DSG1: variants seen among roughly 807,000 people sequenced by gnomAD.
DSG1 encodes the protein desmoglein-1.
Under a neutral mutation model 97.5 loss-of-function variants are expected in DSG1, and 39 were observed. The observed-to-expected ratio is 0.40, with a 90% CI of 0.31 to 0.52. The LOEUF is 0.52. Among genes scored for constraint, DSG1 ranks in the 20% least tolerant of loss-of-function variants. The pLI is 0.53. For missense variants in DSG1, 1,311 were observed against 1,295.4 expected (o/e 1.01, Z -0.18); for synonymous variants, 475 against 443.4 (o/e 1.07, Z -0.90).
chr18:31,334,241 C>T (rs2071738459), intron 8 of DSG1, 39 bp downstream of exon 8: 3 of 1,402,056 alleles, frequency 2.1e-6, no homozygotes, highest in Non-Finnish European at 2.0e-6. Context: ...TTTTCTTAAT[C>T]TTTTTTCAAA....
At chr18:31,319,157 C>G (rs2071638396) in intron 1 of DSG1, among the ~76,000 whole-genome samples, 4 of 152,148 alleles carry the variant, frequency 2.6e-5, no homozygotes, top group Admixed American at 2.6e-4. Flanking sequence ...AGAGATAATA[C>G]TAAGTGCACC....
chr18:31,333,849 T>C, intron 7 of DSG1, 126 bp downstream of exon 7: 2 of 1,235,632 alleles, frequency 1.6e-6, no homozygotes, highest in Non-Finnish European at 1.2e-6. Context: ...GACACATACT[T>C]TTTTCTTGTG....
chr18:31,339,690 C>A (rs2071775961), intron 10 of DSG1, 54 bp from the exon 11 acceptor site: 3 of 1,378,606 alleles, frequency 2.2e-6, no homozygotes, highest in East Asian at 4.6e-5. Context: ...TGTTGTCCAA[C>A]CATTCCTACA....
rs761784327 is a variant in DSG1 at position 31,343,455 on chromosome 18, C to A, written c.1693C>A (p.Pro565Thr). ...TACTATCCCTCCACCACCAGTGGTCCCATTTTTGATGATCTGTTGTGATTG... is the reference window on the plus strand; with the variant it reads ...TACTATCCCTCCACCACCAGTGGTCACATTTTTGATGATCTGTTGTGATTG... ...IMGFLVLGLV[P>T]FLMICCDCGG... The change falls in exon 12 of 15, where the codon CCA (proline) becomes ACA (threonine). Residue 565 changes from proline to threonine, a missense_variant. By Grantham distance (38) the Pro-to-Thr change is conservative (BLOSUM62 -1). Around this residue, in one of 3 missense-constraint regions of DSG1, gnomAD observed 1,038 missense variants for 964.6 expected, o/e 1.08. Transcript: ENST00000257192. 1.2e-6 allele frequency: 2 copies of A among 1,614,132 alleles called. No homozygotes were observed. The highest frequency in any genetic ancestry group is 2.2e-5 in the South Asian group (2 of 91,086).
chr18:31,331,378 T>C (rs1287239611), intron 5 of DSG1, among the ~76,000 whole-genome samples: 1 of 152,100 alleles, frequency 6.6e-6, no homozygotes, highest in Non-Finnish European at 1.5e-5. Context: ...TGGTCTGGCC[T>C]TATTATCATT....
At chr18:31,324,484 C>T (rs1325242892) in intron 1 of DSG1, among the ~76,000 whole-genome samples, 1 of 152,088 alleles carries the variant, frequency 6.6e-6, no homozygotes, top group Non-Finnish European at 1.5e-5. Flanking sequence ...TGAACTTTTG[C>T]TCAAGTTTTG....
intron 7 of DSG1, 38 bp downstream of exon 7, chr18:31,333,761 G>C: frequency 1.2e-6 from 2 of 1,607,154 alleles, no homozygotes; most frequent in African/African-American, 1.3e-5. Context: ...ATCTAAATTC[G>C]CTATATTCTA....
Position 31,336,921 on chromosome 18 carries a change from C to T in DSG1, c.1265+308C>T, listed in dbSNP as rs1269000381. Among the ~76,000 whole-genome samples the T allele has an allele frequency of 7.2e-5, 11 of 152,262 alleles. No homozygotes were observed. In the East Asian group the frequency reaches 1.4e-3, roughly 19 times the overall value. On this transcript the variant is annotated intron_variant, in intron 9 of 14. Coordinates refer to ENST00000257192, the MANE Select transcript of DSG1 (RefSeq NM_001942.4). ...TAGCTGATTACCACAGGCCGTGATT[C>T]GTCTCTCAGAAGAGTTTAAGGAATG... is the stretch of plus-strand genomic sequence containing the variant.
At chr18:31,335,549 A>G (rs1165231201) in intron 8 of DSG1, among the ~76,000 whole-genome samples, 1 of 122,880 alleles carries the variant, frequency 8.1e-6, no homozygotes, top group Non-Finnish European at 1.9e-5. Context: ...TAATGTATAT[A>G]TACTTTTGAT....
chr18:31,318,248 GAGA>G lies in DSG1; in HGVS notation c.-48_-46del. 6.7e-7 allele frequency: 1 copy of G among 1,487,464 alleles called. No individual in the cohort carries two copies. The highest frequency in any genetic ancestry group is 9.4e-7 in the Non-Finnish European group (1 of 1,064,494). 92.1% of individuals were successfully genotyped at this position (1,487,464 alleles called of 1,614,324 possible). A position where few individuals can be genotyped will look rare whatever the true frequency, so the allele number is the denominator to read the frequency against. On this transcript the variant is annotated 5_prime_UTR_variant, in exon 1 of 15. Coordinates refer to ENST00000257192, the MANE Select transcript of DSG1 (RefSeq NM_001942.4). ...CTGAGTGGGAGAAAGAAAAAGAACA[GAGA>G]AGAACAAACAAAACTCCCTTGGTCT...
intron 8 of DSG1, 122 bp downstream of exon 8, chr18:31,334,324 T>C (rs566467661): frequency 5.0e-4 from 321 of 642,812 alleles, no homozygotes; most frequent in African/African-American, 4.8e-3. Context: ...AATTACTGTG[T>C]TTTAAATATA....
intron 1 of DSG1, among the ~76,000 whole-genome samples, chr18:31,322,644 A>G (rs2071661339): frequency 6.6e-6 from 1 of 152,222 alleles, no homozygotes; most frequent in African/African-American, 2.4e-5. Context: ...AAATAAAGCA[A>G]ATTGTGATAT....
chr18:31,344,184 T>C (rs1283867438), intron 13 of DSG1, among the ~76,000 whole-genome samples, 189 bp downstream of exon 13: 1 of 152,226 alleles, frequency 6.6e-6, no homozygotes, highest in African/African-American at 2.4e-5. Context: ...ATATGCTTCA[T>C]TTTAAAAATT....
At chr18:31,340,715 T>A (rs543882001) in intron 11 of DSG1, among the ~76,000 whole-genome samples, 1 of 152,136 alleles carries the variant, frequency 6.6e-6, no homozygotes, top group South Asian at 2.1e-4. Flanking sequence ...GAGTGCAAAG[T>A]ACTGCGATGA....
chr18:31,344,887 T>C (rs2071818928), intron 13 of DSG1, among the ~76,000 whole-genome samples: 1 of 152,232 alleles, frequency 6.6e-6, no homozygotes, highest in Non-Finnish European at 1.5e-5. Flanking sequence ...CATTGTTTTC[T>C]ACTTTAAACT....
intron 11 of DSG1, among the ~76,000 whole-genome samples, chr18:31,342,196 T>C (rs887374056): frequency 2.0e-5 from 3 of 152,136 alleles, no homozygotes; most frequent in African/African-American, 2.4e-5. Context: ...CCTCTCAAAG[T>C]GCTGGAATTA....
intron 3 of DSG1, among the ~76,000 whole-genome samples, chr18:31,327,914 T>C (rs1424835160): frequency 6.6e-6 from 1 of 152,192 alleles, no homozygotes; most frequent in Non-Finnish European, 1.5e-5. Context: ...AAGTCATGCA[T>C]GATGATTGCA....
At chr18:31,333,487 G>A (rs546941253) in intron 6 of DSG1, 102 bp from the exon 7 acceptor site, 2 of 1,424,842 alleles carry the variant, frequency 1.4e-6, no homozygotes, top group Admixed American at 1.7e-5. Flanking sequence ...CTCTATCATA[G>A]ATTTATGTAA....
Position 31,359,191 on chromosome 18 carries a change from A to G in DSG1, c.*3845A>G, listed in dbSNP as rs1484187018. ...GCTTGGTTATCTGTTCGTTTTTTTA[A>G]GTTGATTTGTAATTTCCAAAGAGTT... On this transcript the variant is annotated 3_prime_UTR_variant, in exon 15 of 15. Coordinates refer to ENST00000257192, the MANE Select transcript of DSG1 (RefSeq NM_001942.4). Among the ~76,000 whole-genome samples the G allele has an allele frequency of 6.6e-6, 1 of 152,048 alleles. No individual in the cohort carries two copies. The highest frequency in any genetic ancestry group is 1.5e-5 in the Non-Finnish European group (1 of 67,984).
Sources: allele counts gnomAD v4.1 joint callset (sites outside exome capture counted in the v4.1 genomes callset), GRCh38; gene constraint gnomAD v4.1.1; regional missense constraint gnomAD v4.1.1; transcripts MANE v1.5; gene names NCBI Gene and HGNC (gene_info 2026-07-23, HGNC 2026-07-21).